Variants in METTL25 observed in about 807,000 individuals in gnomAD.
METTL25 encodes the protein probable methyltransferase-like protein 25.
Under a neutral mutation model 71.6 loss-of-function variants are expected in METTL25, and 64 were observed. That is an observed-to-expected ratio of 0.89 (90% CI 0.73 to 1.10). The LOEUF is 1.10. METTL25 is among the 50% of genes least tolerant of loss of function. The pLI, the probability that METTL25 is intolerant of heterozygous loss-of-function variation, is 0.00. For missense variants in METTL25, 807 were observed against 707.0 expected (o/e 1.14, Z -1.60); for synonymous variants, 287 against 250.3 (o/e 1.15, Z -1.38).
At chr12:82,437,872 T>G (rs1890034054) in intron 7 of METTL25, among the ~76,000 whole-genome samples, 1 of 151,706 alleles carries the variant, frequency 6.6e-6, no homozygotes, top group Non-Finnish European at 1.5e-5. Flanking sequence ...CAAGCTGGGT[T>G]GTTGTTGCTG....
intron 1 of METTL25, among the ~76,000 whole-genome samples, chr12:82,375,409 G>T (rs1323110671): frequency 6.6e-6 from 1 of 150,852 alleles, no homozygotes; most frequent in East Asian, 2.0e-4. Context: ...CGATTGGTTT[G>T]TTCTTGGACT....
intron 5 of METTL25, among the ~76,000 whole-genome samples, chr12:82,417,035 A>G (rs1888045767): frequency 1.3e-5 from 2 of 152,144 alleles, no homozygotes; most frequent in South Asian, 2.1e-4. Flanking sequence ...CTGAGAGGTC[A>G]TCTTTACTTG....
At chr12:82,444,585 A>G (rs1890607905) in intron 8 of METTL25, among the ~76,000 whole-genome samples, 1 of 152,176 alleles carries the variant, frequency 6.6e-6, no homozygotes, top group Non-Finnish European at 1.5e-5. Context: ...ATCAAAAATA[A>G]TAATCATAAC....
At chr12:82,463,987 T>A (rs1381328206) in intron 9 of METTL25, among the ~76,000 whole-genome samples, 2 of 151,968 alleles carry the variant, frequency 1.3e-5, no homozygotes, top group South Asian at 4.1e-4. Context: ...ATATTTGAGT[T>A]CCTTGTATAT....
At chr12:82,446,770 C>G (rs1379861785) in intron 8 of METTL25, among the ~76,000 whole-genome samples, 2 of 151,918 alleles carry the variant, frequency 1.3e-5, no homozygotes, top group Admixed American at 6.6e-5. Context: ...GTGTAAGCTA[C>G]CACACCCGGC....
intron 3 of METTL25, among the ~76,000 whole-genome samples, chr12:82,397,637 T>A (rs908917047): frequency 1.3e-5 from 2 of 151,884 alleles, no homozygotes; most frequent in Non-Finnish European, 2.9e-5. Context: ...CAGACAAAAA[T>A]TTTTTTTCTT....
At chr12:82,460,798 G>A (rs1891815976) in intron 9 of METTL25, among the ~76,000 whole-genome samples, 1 of 152,094 alleles carries the variant, frequency 6.6e-6, no homozygotes, top group African/African-American at 2.4e-5. Context: ...TGAATATAAT[G>A]GGGACTTTAG....
chr12:82,464,544 A>G (rs962931691), intron 9 of METTL25, among the ~76,000 whole-genome samples: 25 of 151,840 alleles, frequency 1.6e-4, no homozygotes, highest in African/African-American at 6.0e-4. Context: ...GTCTAGTAGT[A>G]TGATGCTTCC....
At chr12:82,362,919 T>A (rs552408598) in intron 1 of METTL25, among the ~76,000 whole-genome samples, 2 of 151,120 alleles carry the variant, frequency 1.3e-5, no homozygotes, top group Non-Finnish European at 3.0e-5. Flanking sequence ...GGCAGAAATA[T>A]AAGAAGAGGT....
At chr12:82,376,442 T>G (rs1012373007) in intron 1 of METTL25, among the ~76,000 whole-genome samples, 12 of 152,232 alleles carry the variant, frequency 7.9e-5, no homozygotes, top group Non-Finnish European at 1.5e-4. Flanking sequence ...ATGTGTTTCT[T>G]AAAAATTTCA....
chr12:82,459,018 C>T (rs1891682012), intron 9 of METTL25, among the ~76,000 whole-genome samples: 2 of 152,140 alleles, frequency 1.3e-5, no homozygotes, highest in African/African-American at 4.8e-5. Flanking sequence ...CCCCTCACAC[C>T]TTGCCATCAT....
At chr12:82,419,458 T>C (rs1318039746) in intron 5 of METTL25, among the ~76,000 whole-genome samples, 1 of 152,138 alleles carries the variant, frequency 6.6e-6, no homozygotes, top group Non-Finnish European at 1.5e-5. Flanking sequence ...ATCAATGCTA[T>C]GTCTGAAGTC....
chr12:82,399,237 C>G lies in METTL25; in HGVS notation c.974C>G (p.Pro325Arg). The G allele has an allele frequency of 6.2e-7, 1 of 1,613,490 alleles. No individual in the cohort carries two copies. Among genetic ancestry groups the G allele is most frequent in the Admixed American group, 1.7e-5 (1 of 59,962 alleles). Residue 325 changes from proline (P) to arginine (R), a missense_variant, in exon 4 of 12, where the codon CCT (proline) becomes CGT (arginine). Coordinates refer to ENST00000248306, the MANE Select transcript of METTL25 (RefSeq NM_032230.3). Reference protein sequence around the residue: ...INLLPINAVEPTSSQQIPNRE... With the variant: ...INLLPINAVERTSSQQIPNRE... Reference sequence around the variant, plus strand: ...CTTTTGCCTATTAATGCTGTAGAGCCTACTTCTTCACAGCAAATACCCAAC... The same window carrying G: ...CTTTTGCCTATTAATGCTGTAGAGCGTACTTCTTCACAGCAAATACCCAAC...
intron 2 of METTL25, among the ~76,000 whole-genome samples, chr12:82,388,629 T>C (rs1364655190): frequency 1.3e-5 from 2 of 152,042 alleles, no homozygotes; most frequent in Non-Finnish European, 2.9e-5. Context: ...AAAGATGTTA[T>C]ATCCTAGGCA....
At chr12:82,402,863 A>G in intron 4 of METTL25, 120 bp from the exon 5 acceptor site, 1 of 651,666 alleles carries the variant, frequency 1.5e-6, no homozygotes, top group South Asian at 2.4e-5. Context: ...CGTGCCTGTG[A>G]ATAGCCACCA....
chr12:82,426,489 C>T (rs147471473), intron 5 of METTL25, among the ~76,000 whole-genome samples: 1 of 152,048 alleles, frequency 6.6e-6, no homozygotes, highest in Admixed American at 6.6e-5. Flanking sequence ...AGGAAGACTG[C>T]CCTTCTGTCC....
intron 7 of METTL25, 145 bp from the exon 8 acceptor site, chr12:82,438,573 G>A (rs1014516252): frequency 3.1e-5 from 11 of 354,414 alleles, no homozygotes; most frequent in Middle Eastern, 8.1e-4. Context: ...TAACACTTTC[G>A]CTCGTAATGG....
chr12:82,384,477 G>GA (rs1884764084), intron 1 of METTL25, among the ~76,000 whole-genome samples: 2 of 134,222 alleles, frequency 1.5e-5, no homozygotes, highest in African/African-American at 2.8e-5. Flanking sequence ...TGGATAACTT[G>GA]AAAACAAATA....
At chr12:82,369,458 A>G (rs546446906) in intron 1 of METTL25, 2 of 450,698 alleles carry the variant, frequency 4.4e-6, no homozygotes, top group East Asian at 7.2e-5. Context: ...GCTCTTAAAG[A>G]TGGTGTGTCC....
Sources: gnomAD v4.1 joint callset for allele counts (sites outside exome capture counted in the v4.1 genomes callset) on GRCh38, gnomAD v4.1.1 for gene constraint, MANE v1.5 for transcripts, NCBI Gene and HGNC (gene_info 2026-07-23, HGNC 2026-07-21) for gene names.